IL16: variants seen among roughly 807,000 people sequenced by gnomAD.
The protein encoded by IL16 is interleukin 16.
Under a neutral mutation model 110.1 loss-of-function variants are expected in IL16, and 67 were observed. The ratio of observed to expected loss-of-function variants is 0.61; its 90% confidence interval spans 0.50 to 0.75. The LOEUF is 0.75. Among genes scored for constraint, IL16 ranks in the 30% least tolerant of loss-of-function variants. IL16 has a pLI of 0.00. For missense variants in IL16, 1,545 were observed against 1,655.0 expected (o/e 0.93, Z 1.15); for synonymous variants, 689 against 662.9 (o/e 1.04, Z -0.61).
At chr15:81,299,304 C>T (rs754686950) in intron 13 of IL16, 76 bp from the exon 14 acceptor site, 4 of 1,599,786 alleles carry the variant, frequency 2.5e-6, no homozygotes, top group Admixed American at 1.7e-5. Context: ...TGCTGTTCAG[C>T]TTGGAAACTA....
In IL16 at chr15:81,292,856, A is replaced by G; in HGVS notation, c.1721A>G (p.Asp574Gly). The G allele has an allele frequency of 6.8e-6, 11 of 1,613,926 alleles. No individual in the cohort carries two copies. Among genetic ancestry groups the G allele is most frequent in the Non-Finnish European group, 9.3e-6 (11 of 1,179,890 alleles). ...QESPPLPESR[D>G]SHPPLRLKKS... ...AGCCCACCCCTCCCAGAGAGCCGGG[A>G]CAGCCACCCGCCGCTGAGACTGAAG... Residue 574 changes from aspartate (D) to glycine (G), a missense_variant, in exon 12 of 19, where the codon GAC becomes GGC. Physicochemically the swap from Asp to Gly is moderately conservative, Grantham distance 94. Coordinates refer to ENST00000683961, the MANE Select transcript of IL16 (RefSeq NM_172217.5).
At chr15:81,248,093 G>T (rs920269174) in intron 2 of IL16, among the ~76,000 whole-genome samples, 2 of 152,158 alleles carry the variant, frequency 1.3e-5, no homozygotes, top group African/African-American at 4.8e-5. Context: ...ATGTTATAAG[G>T]TGCGAACATT....
chr15:81,221,255 T>C (rs1009870814), intron 1 of IL16, among the ~76,000 whole-genome samples: 1 of 152,138 alleles, frequency 6.6e-6, no homozygotes, highest in African/African-American at 2.4e-5. Context: ...AGCTTAGCCA[T>C]GTTAGAAACC....
chr15:81,251,689 T>C (rs904959056), intron 2 of IL16, among the ~76,000 whole-genome samples: 2 of 152,194 alleles, frequency 1.3e-5, no homozygotes, highest in African/African-American at 4.8e-5. Flanking sequence ...CTAACTAGAT[T>C]CTTAGGGCTC....
intron 2 of IL16, among the ~76,000 whole-genome samples, chr15:81,241,384 A>G (rs977541224): frequency 1.3e-5 from 2 of 152,012 alleles, no homozygotes; most frequent in African/African-American, 4.8e-5. Context: ...TTGGGGGAGA[A>G]TTGACATCTA....
chr15:81,195,050 G>A (rs1333595443), upstream of IL16, among the ~76,000 whole-genome samples: 1 of 152,120 alleles, frequency 6.6e-6, no homozygotes, highest in Non-Finnish European at 1.5e-5. Flanking sequence ...GAAGGGCAGA[G>A]GGGTGATAAA....
At position 81,196,954 on chromosome 15, in the gene IL16, C is replaced by A. The variant is rs1895615202; in HGVS notation, c.-300C>A. 7.9e-7 allele frequency: 1 copy of A among 1,266,692 alleles called. No homozygotes were observed. Among genetic ancestry groups the A allele is most frequent in the Non-Finnish European group, 1.0e-6 (1 of 980,956 alleles). 78.5% of individuals were successfully genotyped at this position (1,266,692 alleles called of 1,614,324 possible). A position where few individuals can be genotyped will look rare whatever the true frequency, so the allele number is the denominator to read the frequency against. On this transcript the variant is annotated 5_prime_UTR_variant, in exon 1 of 19. Transcript: ENST00000683961. ...ACTCACGGCATCTCAACTATCGGAG[C>A]CTGGGATCTGACTCAAAGGCCGGCC...
intron 2 of IL16, among the ~76,000 whole-genome samples, chr15:81,255,886 G>A (rs970612325): frequency 1.3e-5 from 2 of 152,190 alleles, no homozygotes; most frequent in Non-Finnish European, 2.9e-5. Flanking sequence ...AGGATTAAAA[G>A]AAAGATGTTT....
At chr15:81,244,189 T>C (rs1160412991) in intron 2 of IL16, among the ~76,000 whole-genome samples, 1 of 152,182 alleles carries the variant, frequency 6.6e-6, no homozygotes, top group Admixed American at 6.5e-5. Flanking sequence ...CACATCACAG[T>C]GTTAACATTT....
chr15:81,256,659 G>A (rs1432845706), intron 2 of IL16, among the ~76,000 whole-genome samples: 5 of 152,028 alleles, frequency 3.3e-5, no homozygotes, highest in Admixed American at 6.6e-5. Context: ...ATTTTTAAAG[G>A]TGCTTAGTAT....
At chr15:81,268,796 G>C (rs80023084) in intron 4 of IL16, among the ~76,000 whole-genome samples, 1 of 152,214 alleles carries the variant, frequency 6.6e-6, no homozygotes, top group East Asian at 1.9e-4. Flanking sequence ...TTAAGCACTC[G>C]CATAGATTTA....
At chr15:81,289,125 A>G (rs1346763788) in intron 10 of IL16, among the ~76,000 whole-genome samples, 1 of 152,000 alleles carries the variant, frequency 6.6e-6, no homozygotes, top group African/African-American at 2.4e-5. Flanking sequence ...CGATTTCTCC[A>G]TATCCTTGCC....
chr15:81,277,096 A>G (rs1898946721), intron 6 of IL16, among the ~76,000 whole-genome samples: 2 of 152,212 alleles, frequency 1.3e-5, no homozygotes, highest in South Asian at 2.1e-4. Flanking sequence ...CAGTCATTGA[A>G]ATAAAAAACT....
intron 1 of IL16, among the ~76,000 whole-genome samples, chr15:81,206,604 A>G (rs907119684): frequency 6.6e-6 from 1 of 152,192 alleles, no homozygotes; most frequent in Non-Finnish European, 1.5e-5. Flanking sequence ...CCAACAAATA[A>G]AAATAAGACA....
At chr15:81,292,507 C>T (rs1297554826) in intron 11 of IL16, 49 bp from the exon 12 acceptor site, 1 of 1,612,674 alleles carries the variant, frequency 6.2e-7, no homozygotes, top group Admixed American at 1.7e-5. Flanking sequence ...GGGGGTATTT[C>T]TGTTTTCTGA....
At chr15:81,270,594 A>T (rs78940156) in intron 5 of IL16, among the ~76,000 whole-genome samples, 5,081 of 152,290 alleles carry the variant, frequency 0.033, 268 homozygotes, top group African/African-American at 0.12. Flanking sequence ...TTCTATGCTG[A>T]CTTTCTCTGA....
intron 1 of IL16, among the ~76,000 whole-genome samples, chr15:81,210,215 A>T (rs1215370978): frequency 6.6e-6 from 1 of 152,042 alleles, no homozygotes; most frequent in Non-Finnish European, 1.5e-5. Context: ...ATTTCGTTTC[A>T]TTGGTCTGTG....
At chr15:81,271,974 C>T (rs1443423379) in intron 5 of IL16, among the ~76,000 whole-genome samples, 1 of 152,212 alleles carries the variant, frequency 6.6e-6, no homozygotes, top group Non-Finnish European at 1.5e-5. Flanking sequence ...TCTGTTACAG[C>T]AGTGGCCATC....
rs1336620761 is a variant in IL16 at position 81,231,277 on chromosome 15, C to CAGAGG, written c.312+5574_312+5578dup. ...GAAAGGAGAGGAGAGCTGAGGAGACCAGAGGAGAGGAGGGGAGGGGAGGGG... is the reference window on the plus strand; with the variant it reads ...GAAAGGAGAGGAGAGCTGAGGAGACCAGAGGAGAGGAGAGGAGGGGAGGGGAGGGG... On this transcript the variant is annotated intron_variant, in intron 2 of 18. Coordinates refer to ENST00000683961, the MANE Select transcript of IL16 (RefSeq NM_172217.5). 5.6e-4 allele frequency among the ~76,000 whole-genome samples: 78 copies of CAGAGG among 139,796 alleles called. 1 individual carries two copies. In the Admixed American group the frequency reaches 5.7e-3, roughly 10 times the overall value. 91.7% of individuals were successfully genotyped at this position (139,796 alleles called of 152,430 possible).
Sources: allele counts gnomAD v4.1 joint callset (sites outside exome capture counted in the v4.1 genomes callset), GRCh38; gene constraint gnomAD v4.1.1; transcripts MANE v1.5; gene names NCBI Gene and HGNC (gene_info 2026-07-23, HGNC 2026-07-21).